The following ZFPM2 variants were observed in gnomAD, a reference collection of about 807,000 sequenced individuals.
ZFPM2 encodes zinc finger protein, FOG family member 2.
ZFPM2 carries 20 observed loss-of-function variants against 98.6 expected under a neutral mutation model. That is an observed-to-expected ratio of 0.20 (90% CI 0.14 to 0.29). ZFPM2 has a LOEUF of 0.29. Ranked by LOEUF, ZFPM2 falls within the 10% of genes least tolerant of loss-of-function variation. ZFPM2 has a pLI of 1.00. For synonymous variants in ZFPM2, 518 were observed against 502.7 expected, an observed-to-expected ratio of 1.03 and a Z score of -0.41; for missense variants, 1,310 against 1,388.6, an observed-to-expected ratio of 0.94 and a Z score of 0.90.
intron 5 of ZFPM2, among the ~76,000 whole-genome samples, chr8:105,684,327 C>T (rs1338001692): frequency 6.6e-6 from 1 of 151,894 alleles, no homozygotes; most frequent in African/African-American, 2.4e-5. Flanking sequence ...AAAGTATAGC[C>T]ATGTATATTT....
intron 1 of ZFPM2, among the ~76,000 whole-genome samples, chr8:105,354,455 G>C (rs372101154): frequency 6.6e-6 from 1 of 151,948 alleles, no homozygotes; most frequent in Non-Finnish European, 1.5e-5. Flanking sequence ...CTCTTTTTTT[G>C]TTATTTGTTG....
intron 3 of ZFPM2, among the ~76,000 whole-genome samples, chr8:105,512,643 A>T (rs1246287454): frequency 6.6e-6 from 1 of 152,180 alleles, no homozygotes; most frequent in Non-Finnish European, 1.5e-5. Flanking sequence ...TCTCAAAAAG[A>T]ACTGCAGAGA....
intron 3 of ZFPM2, among the ~76,000 whole-genome samples, chr8:105,480,640 A>G (rs1468269190): frequency 2.0e-5 from 3 of 152,248 alleles, no homozygotes; most frequent in Admixed American, 6.5e-5. Flanking sequence ...AAAAAAAGGC[A>G]TATTCTGCAA....
At chr8:105,384,278 TATG>T (rs1193585551) in intron 1 of ZFPM2, among the ~76,000 whole-genome samples, 2 of 152,204 alleles carry the variant, frequency 1.3e-5, no homozygotes, top group Non-Finnish European at 1.5e-5. Flanking sequence ...TTTGTGAAGA[TATG>T]ATGACCCACG....
intron 4 of ZFPM2, among the ~76,000 whole-genome samples, chr8:105,627,079 C>T (rs1269345348): frequency 6.6e-6 from 1 of 152,082 alleles, no homozygotes; most frequent in Non-Finnish European, 1.5e-5. Flanking sequence ...AACATTATGT[C>T]ACCAGTTTCT....
rs115825998 is a variant in ZFPM2, at chr8:105,661,059, C to T, written c.532+26702C>T. Reference sequence around the variant, plus strand: ...ATGCTTTGAATTGCCGAAATTCAAACGCAGAAAAATGCCTCAAATATCAAA... The same window carrying T: ...ATGCTTTGAATTGCCGAAATTCAAATGCAGAAAAATGCCTCAAATATCAAA... On this transcript the variant is annotated intron_variant, in intron 5 of 7. Coordinates refer to ENST00000407775, the MANE Select transcript of ZFPM2 (RefSeq NM_012082.4). Among the ~76,000 whole-genome samples the T allele has an allele frequency of 7.8e-3, 1,183 of 152,114 alleles. 13 individuals are homozygous for T. The highest frequency in any genetic ancestry group is 0.024 in the African/African-American group (986 of 41,486).
intron 3 of ZFPM2, among the ~76,000 whole-genome samples, chr8:105,464,695 C>A (rs1426895806): frequency 1.3e-5 from 2 of 151,618 alleles, no homozygotes; most frequent in African/African-American, 4.9e-5. Flanking sequence ...ATAGTTCCAG[C>A]CGAGATCAAA....
chr8:105,524,464 G>C (rs1275535082), intron 3 of ZFPM2, among the ~76,000 whole-genome samples: 1 of 151,578 alleles, frequency 6.6e-6, no homozygotes, highest in Non-Finnish European at 1.5e-5. Context: ...GTGTGTGTGT[G>C]TGTGTATGTG....
chr8:105,624,549 A>G (rs1586158228), intron 4 of ZFPM2, among the ~76,000 whole-genome samples: 1 of 152,170 alleles, frequency 6.6e-6, no homozygotes, highest in South Asian at 2.1e-4. Context: ...TTTCATCTAG[A>G]GATTCTTCCC....
At chr8:105,492,331 C>CT (rs1217715434) in intron 3 of ZFPM2, among the ~76,000 whole-genome samples, 1 of 152,152 alleles carries the variant, frequency 6.6e-6, no homozygotes, top group Non-Finnish European at 1.5e-5. Flanking sequence ...ACTTTACATA[C>CT]TTTGACATTG....
At chr8:105,723,122 C>T (rs1314502304) in intron 5 of ZFPM2, among the ~76,000 whole-genome samples, 2 of 151,756 alleles carry the variant, frequency 1.3e-5, no homozygotes, top group Non-Finnish European at 2.9e-5. Flanking sequence ...TGAATTTCTC[C>T]AAGATCCATA....
At chr8:105,398,628 A>G (rs1413404317) in intron 1 of ZFPM2, among the ~76,000 whole-genome samples, 2 of 152,104 alleles carry the variant, frequency 1.3e-5, no homozygotes, top group Non-Finnish European at 2.9e-5. Flanking sequence ...GATCCCTCAC[A>G]TGCACAGTTC....
intron 5 of ZFPM2, among the ~76,000 whole-genome samples, chr8:105,733,567 A>C (rs1304916030): frequency 6.6e-6 from 1 of 151,888 alleles, no homozygotes; most frequent in Non-Finnish European, 1.5e-5. Flanking sequence ...ACTGGTGATT[A>C]ACAGATTTTT....
At chr8:105,385,798 C>T (rs1161869656) in intron 1 of ZFPM2, among the ~76,000 whole-genome samples, 1 of 152,186 alleles carries the variant, frequency 6.6e-6, no homozygotes, top group African/African-American at 2.4e-5. Context: ...GTGAAGGACA[C>T]AGTGTGCTTC....
At chr8:105,571,661 T>C (rs1461860752) in intron 4 of ZFPM2, among the ~76,000 whole-genome samples, 1 of 152,212 alleles carries the variant, frequency 6.6e-6, no homozygotes, top group East Asian at 1.9e-4. Context: ...GGACTTAGCA[T>C]CAATCTCAGC....
At chr8:105,682,715 C>G (rs1810637567) in intron 5 of ZFPM2, among the ~76,000 whole-genome samples, 1 of 152,038 alleles carries the variant, frequency 6.6e-6, no homozygotes, top group East Asian at 1.9e-4. Context: ...GCAAGGGAAG[C>G]TGGGGAATGT....
chr8:105,660,980 C>T (rs1166902148), intron 5 of ZFPM2, among the ~76,000 whole-genome samples: 1 of 152,150 alleles, frequency 6.6e-6, no homozygotes. Flanking sequence ...CCATCTAATT[C>T]ACAACACCAG....
intron 1 of ZFPM2, among the ~76,000 whole-genome samples, chr8:105,404,693 T>A (rs1436418447): frequency 6.6e-6 from 1 of 152,068 alleles, no homozygotes; most frequent in Non-Finnish European, 1.5e-5. Context: ...AACTTTATTC[T>A]CCACTTCACA....
chr8:105,447,567 T>C (rs894625375), intron 3 of ZFPM2, among the ~76,000 whole-genome samples: 5 of 152,070 alleles, frequency 3.3e-5, no homozygotes, highest in Non-Finnish European at 5.9e-5. Context: ...AAATTATTGA[T>C]TAAGATATGA....
Sources: allele counts gnomAD v4.1 joint callset (sites outside exome capture counted in the v4.1 genomes callset), GRCh38; gene constraint gnomAD v4.1.1; transcripts MANE v1.5; gene names NCBI Gene and HGNC (gene_info 2026-07-23, HGNC 2026-07-21).